USP4: variants seen among roughly 807,000 people sequenced by gnomAD.
The protein encoded by USP4 is ubiquitin specific peptidase 4.
In USP4, 72 loss-of-function variants were observed where a neutral mutation model predicts 118.2. The ratio of observed to expected loss-of-function variants is 0.61; its 90% CI spans 0.50 to 0.74. The LOEUF (loss-of-function observed/expected upper bound fraction) is 0.74. Among genes scored for constraint, USP4 ranks in the 30% least tolerant of loss-of-function variants. The probability of loss-of-function intolerance (pLI) is 0.00; values close to 1 mark genes in which losing one functional copy is unlikely to be tolerated. For missense variants in USP4, 1,037 were observed against 1,185.7 expected (o/e 0.87, Z 1.84); for synonymous variants, 415 against 440.4 (o/e 0.94, Z 0.72).
At chr3:49,301,891 C>G (rs1186811001) in intron 10 of USP4, among the ~76,000 whole-genome samples, 3 of 152,018 alleles carry the variant, frequency 2.0e-5, no homozygotes, top group African/African-American at 4.8e-5. Context: ...CCTAATGATA[C>G]TAATAACAAA....
chr3:49,278,421 G>A lies in USP4; in HGVS notation c.2764C>T (p.Arg922Cys), dbSNP rs749791178. ...TKAAYVLFYQ[R>C]RDDEFYKTPS... is the part of the protein sequence containing the mutation. The stretch of plus-strand genomic sequence containing the variant: ...GTCTTATAAAATTCATCATCTCGAC[G>A]TTGGTAAAATAGCACATAAGCTGCT... The change falls in exon 22 of 22, where the codon CGT becomes TGT. Residue 922 changes from arginine to cysteine, a missense_variant. By Grantham distance (180) the Arg-to-Cys change is radical (BLOSUM62 -3). This residue lies in a region of USP4 where 522 missense variants were observed against 592.6 expected (regional missense o/e 0.88). Coordinates refer to ENST00000265560, the MANE Select transcript of USP4 (RefSeq NM_003363.4). 7.4e-6 allele frequency: 12 copies of A among 1,613,998 alleles called. No homozygotes were observed. Among genetic ancestry groups the A allele is most frequent in the East Asian group, 2.2e-5 (1 of 44,902 alleles).
At chr3:49,321,985 C>T (rs914131405) in intron 6 of USP4, among the ~76,000 whole-genome samples, 33 of 152,032 alleles carry the variant, frequency 2.2e-4, no homozygotes, top group Admixed American at 2.0e-3. Context: ...CAGATCAAGA[C>T]TCCGTCTATT....
At chr3:49,290,244 G>C (rs1285917484) in intron 15 of USP4, among the ~76,000 whole-genome samples, 1 of 152,044 alleles carries the variant, frequency 6.6e-6, no homozygotes, top group Non-Finnish European at 1.5e-5. Context: ...GAGACACCCC[G>C]TCTCTACTAA....
chr3:49,302,386 C>T lies in USP4; in HGVS notation c.1285G>A (p.Ala429Thr). The change falls in exon 10 of 22, where the codon GCG becomes ACG. Residue 429 changes from alanine to threonine, a missense_variant and splice_region_variant. Physicochemically the swap from Ala to Thr is moderately conservative, Grantham distance 58 (BLOSUM62 0). This residue lies in a region of USP4 where 487 missense variants were observed against 534.1 expected (regional missense o/e 0.91). Transcript: ENST00000265560. The stretch of plus-strand genomic sequence containing the variant: ...TTCAGACATCATTAATGGCATACCG[C>T]ATCTGGCCGCCCATTGGCATCCTTC... ...ELKDANGRPD[A>T]VVAKEAWENH... 2 of 1,613,492 alleles carry T rather than the reference C, an allele frequency of 1.2e-6. No homozygotes were observed. Among genetic ancestry groups the T allele is most frequent in the Non-Finnish European group, 1.7e-6 (2 of 1,179,866 alleles).
Position 49,339,939 on chromosome 3 carries a change from T to C in USP4, c.86A>G (p.Gln29Arg). The C allele has an allele frequency of 1.9e-6, 3 of 1,613,186 alleles. No individual in the cohort carries two copies. The highest frequency in any genetic ancestry group is 2.5e-6 in the Non-Finnish European group (3 of 1,179,810). ...ELGPLMRTTL[Q>R]RGAQWYLIDS... is the part of the protein sequence containing the mutation. ...GGGAGCTCACCACTGCGCCCCGCGT[T>C]GGAGTGTGGTCCTCATTAAGGGTCC... Residue 29 changes from glutamine (Q) to arginine (R), a missense_variant, in exon 1 of 22, where the codon CAA becomes CGA. Physicochemically the swap from Gln to Arg is conservative, Grantham distance 43. Coordinates refer to ENST00000265560, the MANE Select transcript of USP4 (RefSeq NM_003363.4).
intron 2 of USP4, among the ~76,000 whole-genome samples, chr3:49,330,877 G>A (rs2047610064): frequency 2.6e-5 from 4 of 151,798 alleles, no homozygotes; most frequent in African/African-American, 9.7e-5. Context: ...CGGGTGTGGT[G>A]GCAGGCACCA....
rs2046982977 is a variant in USP4 at position 49,278,288 on chromosome 3, C to A, written c.*5G>T. On this transcript the variant is annotated 3_prime_UTR_variant, in exon 22 of 22. Coordinates refer to ENST00000265560, the MANE Select transcript of USP4 (RefSeq NM_003363.4). The stretch of plus-strand genomic sequence containing the variant: ...CTACAGGGTGGCAGGATCGTGGAGT[C>A]AGCATTAGTTGGTGTCCATGCTGCA... 1 of 1,612,502 alleles carries A rather than the reference C, an allele frequency of 6.2e-7. No individual in the cohort carries two copies. The highest frequency in any genetic ancestry group is 1.7e-5 in the Admixed American group (1 of 59,762).
chr3:49,310,679 G>C lies in USP4; in HGVS notation c.895C>G (p.Pro299Ala). The C allele has an allele frequency of 1.2e-6, 2 of 1,614,160 alleles. No individual in the cohort carries two copies. The highest frequency in any genetic ancestry group is 1.7e-6 in the Non-Finnish European group (2 of 1,180,026). ...AGGTTTCCAAGTCCACAGAGCCCAG[G>C]TTGTATATGAGAGGATGGTGGCTCC... ...CQEPPSSHIQPGLCGLGNLGN... is the reference protein window; with the variant it reads ...CQEPPSSHIQAGLCGLGNLGN... The change falls in exon 8 of 22, where the codon CCT (proline) becomes GCT (alanine). Residue 299 changes from proline (P) to alanine (A), a missense_variant. Around this residue, in one of 3 missense-constraint regions of USP4, gnomAD observed 487 missense variants for 534.1 expected, o/e 0.91. Coordinates refer to ENST00000265560, the MANE Select transcript of USP4 (RefSeq NM_003363.4).
At chr3:49,317,509 C>A in intron 6 of USP4, 1 of 627,010 alleles carries the variant, frequency 1.6e-6, no homozygotes, top group South Asian at 1.8e-5. Context: ...GAGTTTCACT[C>A]TTTTTTTGTT....
At position 49,277,186 on chromosome 3, in the gene USP4, CCGCAG is replaced by C. The variant is rs771642653; in HGVS notation, c.*1102_*1106del. ...TCGGCAGCCACGTCCTTGTCCTCAC[CCGCAG>C]CGCAGTGACGCCGACCCATCCAACG... On this transcript the variant is annotated 3_prime_UTR_variant, in exon 22 of 22. Coordinates refer to ENST00000265560, the MANE Select transcript of USP4 (RefSeq NM_003363.4). 1.0e-5 allele frequency: 14 copies of C among 1,371,180 alleles called. No homozygotes were observed. The South Asian group carries it at 1.7e-4, about 17-fold the overall frequency. The allele number at this position is 1,371,180 out of a possible 1,614,324, so 84.9% of individuals were successfully genotyped here. A position where few individuals can be genotyped will look rare whatever the true frequency, so the allele number is the denominator to read the frequency against.
At chr3:49,309,299 C>T (rs1420362145) in intron 8 of USP4, among the ~76,000 whole-genome samples, 1 of 152,264 alleles carries the variant, frequency 6.6e-6, no homozygotes, top group Non-Finnish European at 1.5e-5. Flanking sequence ...GAAATGAGGG[C>T]AGTCTTGGGA....
At chr3:49,291,698 G>A (rs1230886773) in intron 15 of USP4, among the ~76,000 whole-genome samples, 4 of 152,000 alleles carry the variant, frequency 2.6e-5, no homozygotes, top group African/African-American at 7.2e-5. Flanking sequence ...AGAGTGACAT[G>A]TCAGGTGGGG....
At chr3:49,316,996 TGCTGCCATGAAGAAGAC>T (rs2107792457) in intron 6 of USP4, 1 of 718,880 alleles carries the variant, frequency 1.4e-6, no homozygotes, top group South Asian at 1.7e-5. Context: ...AGAAGGCAGC[TGCTGCCATGAAGAAGAC>T]GCTCTGTGGA....
intron 9 of USP4, among the ~76,000 whole-genome samples, chr3:49,303,850 T>G (rs1336211948): frequency 6.6e-6 from 1 of 152,154 alleles, no homozygotes; most frequent in Non-Finnish European, 1.5e-5. Context: ...CCTCCCAGGT[T>G]CAAGCAATTC....
chr3:49,327,632 A>G, intron 3 of USP4, 54 bp downstream of exon 3: 1 of 1,605,380 alleles, frequency 6.2e-7, no homozygotes, highest in Non-Finnish European at 8.5e-7. Flanking sequence ...TCAGTGTCCA[A>G]CAGAAAGCAC....
chr3:49,281,483 TATATATATACACACACACACACAC>T (rs1375629173), intron 19 of USP4, among the ~76,000 whole-genome samples: 3 of 103,606 alleles, frequency 2.9e-5, no homozygotes, highest in African/African-American at 7.3e-5. Flanking sequence ...TGTGTATATA[TATATATATACACACACACACACAC>T]ACACACACAC....
chr3:49,331,017 C>T (rs1472010612), intron 2 of USP4, among the ~76,000 whole-genome samples: 1 of 115,970 alleles, frequency 8.6e-6, no homozygotes, highest in South Asian at 2.7e-4. Flanking sequence ...GACTCCGTCT[C>T]AAAAAAAAAA....
chr3:49,330,910 C>T (rs1484232860), intron 2 of USP4, among the ~76,000 whole-genome samples: 1 of 151,630 alleles, frequency 6.6e-6, no homozygotes, highest in Non-Finnish European at 1.5e-5. Flanking sequence ...CCCAGCTACT[C>T]AGGAGGCTGA....
chr3:49,297,153 G>T (rs971480824), intron 13 of USP4, among the ~76,000 whole-genome samples: 2 of 152,192 alleles, frequency 1.3e-5, no homozygotes, highest in African/African-American at 4.8e-5. Flanking sequence ...TGAGTGAGAG[G>T]TAAAGAGGGA....
Sources: gnomAD v4.1 joint callset for allele counts (sites outside exome capture counted in the v4.1 genomes callset) on GRCh38, gnomAD v4.1.1 for gene constraint, gnomAD v4.1.1 regional missense constraint, MANE v1.5 for transcripts, NCBI Gene and HGNC (gene_info 2026-07-23, HGNC 2026-07-21) for gene names.